TGM3: variants seen among roughly 807,000 people sequenced by gnomAD.
TGM3 encodes protein-glutamine gamma-glutamyltransferase E.
TGM3 carries 52 observed loss-of-function variants against 73.8 expected under a neutral mutation model. The ratio of observed to expected loss-of-function variants is 0.70; its 90% CI spans 0.56 to 0.89. The LOEUF is 0.89. Ranked by LOEUF, TGM3 falls within the 40% of genes least tolerant of loss-of-function variation. The pLI is 0.00. For synonymous variants in TGM3, 372 were observed against 354.9 expected, an observed-to-expected ratio of 1.05 and a Z score of -0.54; for missense variants, 928 against 909.9, an observed-to-expected ratio of 1.02 and a Z score of -0.26.
intron 8 of TGM3, among the ~76,000 whole-genome samples, chr20:2,327,496 C>CA (rs1479092178): frequency 6.6e-6 from 1 of 151,968 alleles, no homozygotes; most frequent in Non-Finnish European, 1.5e-5. Flanking sequence ...AACAAACAAA[C>CA]AAAAAAGATA....
chr20:2,309,978 G>C, intron 2 of TGM3, 148 bp downstream of exon 2: 1 of 1,365,320 alleles, frequency 7.3e-7, no homozygotes, highest in Non-Finnish European at 1.0e-6. Context: ...TGGGCAAGTT[G>C]CTGTCCATCT....
At chr20:2,306,820 A>G (rs960686082) in intron 1 of TGM3, among the ~76,000 whole-genome samples, 1 of 152,122 alleles carries the variant, frequency 6.6e-6, no homozygotes, top group Admixed American at 6.6e-5. Context: ...ACCAAATCTC[A>G]ACTGGCTGGG....
chr20:2,333,555 C>T (rs1414047940), intron 10 of TGM3, among the ~76,000 whole-genome samples: 1 of 152,018 alleles, frequency 6.6e-6, no homozygotes, highest in African/African-American at 2.4e-5. Flanking sequence ...CCATTATGCC[C>T]AGCTAACTTT....
Position 2,340,768 on chromosome 20 carries a change from C to A in TGM3, c.*187C>A, listed in dbSNP as rs1404833286. ...TCCCCCAGGTTGGGGCTGGGTCCAC[C>A]CTGTCCTATGACTTGATCACTTTTG... is the stretch of plus-strand genomic sequence containing the variant. On this transcript the variant is annotated 3_prime_UTR_variant, in exon 13 of 13. Transcript: ENST00000381458. The A allele has an allele frequency of 2.6e-6, 2 of 780,574 alleles. No individual in the cohort carries two copies. Among genetic ancestry groups the A allele is most frequent in the Non-Finnish European group, 4.4e-6 (2 of 459,376 alleles). 48.4% of individuals were successfully genotyped at this position (780,574 alleles called of 1,614,324 possible). A position where few individuals can be genotyped will look rare whatever the true frequency, so the allele number is the denominator to read the frequency against.
intron 8 of TGM3, among the ~76,000 whole-genome samples, chr20:2,327,838 C>T (rs2084296839): frequency 6.6e-6 from 1 of 152,198 alleles, no homozygotes; most frequent in Non-Finnish European, 1.5e-5. Context: ...CAAGACTTTC[C>T]TCTTTAGGAA....
chr20:2,316,982 C>A, intron 5 of TGM3, 86 bp from the exon 6 acceptor site: 1 of 1,498,520 alleles, frequency 6.7e-7, no homozygotes, highest in Non-Finnish European at 9.2e-7. Context: ...CCTCATCTCC[C>A]CACCTTGTCC....
intron 1 of TGM3, among the ~76,000 whole-genome samples, chr20:2,298,280 G>C (rs1024679568): frequency 2.6e-5 from 4 of 152,180 alleles, no homozygotes; most frequent in African/African-American, 9.7e-5. Flanking sequence ...GTGGAGGAAG[G>C]CCTGGCAGTG....
Position 2,335,504 on chromosome 20 carries a change from A to G in TGM3, c.1800+231A>G, listed in dbSNP as rs551065858. Among the ~76,000 whole-genome samples the G allele has an allele frequency of 7.9e-4, 120 of 152,310 alleles. 1 individual carries two copies. The highest frequency in any genetic ancestry group is 1.3e-3 in the Non-Finnish European group (87 of 68,018). Reference sequence around the variant, plus strand: ...CCTGTCTGGTGAGATAAACGCGTGCATTTGCCTGGCTGCTTCTCAGATTCT... The same window carrying G: ...CCTGTCTGGTGAGATAAACGCGTGCGTTTGCCTGGCTGCTTCTCAGATTCT... On this transcript the variant is annotated intron_variant, in intron 11 of 12. Coordinates refer to ENST00000381458, the MANE Select transcript of TGM3 (RefSeq NM_003245.4).
In TGM3 at chr20:2,332,317, C is replaced by A; in HGVS notation, c.1642+7C>A. On this transcript the variant is annotated splice_region_variant and intron_variant, in intron 10 of 12. Transcript: ENST00000381458. This position sits in a 1 kb window ranked among gnomAD's most constrained non-coding sequence, Gnocchi z 4.4. Reference sequence around the variant, plus strand: ...TCCCTGGACCCTGAGGAAGGTAACGCATCCCGCAGTTGGAGGAGATCCACG... The same window carrying A: ...TCCCTGGACCCTGAGGAAGGTAACGAATCCCGCAGTTGGAGGAGATCCACG... The A allele has an allele frequency of 6.4e-7, 1 of 1,572,806 alleles. No homozygotes were observed.
Position 2,332,054 on chromosome 20 carries a change from C to G in TGM3, c.1386C>G (p.Pro462=). ...AAAAGGCTTTGGGGAAACTTAAACCCAACACGCCATTTGCCGCGACGTCTT... is the reference window on the plus strand; with the variant it reads ...AAAAGGCTTTGGGGAAACTTAAACCGAACACGCCATTTGCCGCGACGTCTT... ...VFQKALGKLK[P]NTPFAATSSM... is the part of the protein sequence containing the mutation. The change falls in exon 10 of 13, where the codon CCC becomes CCG. Residue 462 remains proline (P), a synonymous_variant. Transcript: ENST00000381458. This position sits in a 1 kb window ranked among gnomAD's most constrained non-coding sequence, Gnocchi z 4.4. 1 of 1,614,012 alleles carries G rather than the reference C, an allele frequency of 6.2e-7. No individual in the cohort carries two copies. The highest frequency in any genetic ancestry group is 8.5e-7 in the Non-Finnish European group (1 of 1,179,918).
At position 2,328,395 on chromosome 20, in the gene TGM3, C is replaced by T. The variant is rs373163898; in HGVS notation, c.1333+30C>T. 18 of 1,612,280 alleles carry T rather than the reference C, an allele frequency of 1.1e-5. No homozygotes were observed. The highest frequency in any genetic ancestry group is 1.7e-5 in the Admixed American group (1 of 59,966). ...GAGGGACGCTGGCGGGGCAGTGCCG[C>T]GAGAGGTTCTATTGTGGGAGGATGG... On this transcript the variant is annotated intron_variant, in intron 9 of 12. Transcript: ENST00000381458. This position sits in a 1 kb window ranked among gnomAD's most constrained non-coding sequence, Gnocchi z 5.2.
chr20:2,335,124 C>T lies in TGM3; in HGVS notation c.1651C>T (p.His551Tyr). 6.2e-7 allele frequency: 1 copy of T among 1,614,220 alleles called. No individual in the cohort carries two copies. The highest frequency in any genetic ancestry group is 1.1e-5 in the South Asian group (1 of 91,090). The change falls in exon 11 of 13, where the codon CAT (histidine) becomes TAT (tyrosine). Residue 551 changes from histidine to tyrosine, a missense_variant. Transcript: ENST00000381458. ...MSLDPEEEAE[H>Y]PIKISYAQYE... Reference sequence around the variant, plus strand: ...CTGGCTTCTCCTTCCAGAGGCAGAACATCCCATAAAGATCTCGTACGCTCA... The same window carrying T: ...CTGGCTTCTCCTTCCAGAGGCAGAATATCCCATAAAGATCTCGTACGCTCA...
At position 2,332,177 on chromosome 20, in the gene TGM3, A is replaced by C. The variant is rs149098280; in HGVS notation, c.1509A>C (p.Leu503=). 6.2e-7 allele frequency: 1 copy of C among 1,614,020 alleles called. No homozygotes were observed. Among genetic ancestry groups the C allele is most frequent in the Non-Finnish European group, 8.5e-7 (1 of 1,180,004 alleles). Residue 503 remains leucine (L), a synonymous_variant, in exon 10 of 13, where the codon CTA becomes CTC. Transcript: ENST00000381458. The surrounding 1 kb of genome is among the most constrained non-coding windows in gnomAD (Gnocchi z 4.4). ...LAVGKEVNLV[L]LLKNLSRDTK... ...TAGGCAAAGAAGTCAACCTGGTCCT[A>C]CTGCTCAAAAACCTGAGCAGGGATA...
chr20:2,296,118 C>T, intron 1 of TGM3, 48 bp downstream of exon 1: 1 of 1,548,898 alleles, frequency 6.5e-7, no homozygotes, highest in South Asian at 1.2e-5. Flanking sequence ...GAAGCCTGTG[C>T]TTCCCCTGGG....
At chr20:2,317,516 A>G in intron 7 of TGM3, 31 bp downstream of exon 7, 1 of 1,612,714 alleles carries the variant, frequency 6.2e-7, no homozygotes, top group Non-Finnish European at 8.5e-7. Context: ...CTGAACTTCG[A>G]GCACCACATT....
At position 2,298,015 on chromosome 20, in the gene TGM3, G is replaced by A. The variant is rs553040891; in HGVS notation, c.7+1945G>A. The stretch of plus-strand genomic sequence containing the variant: ...AGTCTTGTCTGGAATTTGGGATAGG[G>A]AAGACTCTGAAAAATGGTCACAGAC... On this transcript the variant is annotated intron_variant, in intron 1 of 12. Coordinates refer to ENST00000381458, the MANE Select transcript of TGM3 (RefSeq NM_003245.4). Among the ~76,000 whole-genome samples the A allele has an allele frequency of 1.0e-4, 12 of 118,776 alleles. No homozygotes were observed. In the East Asian group the frequency reaches 3.4e-3, roughly 33 times the overall value. The allele number at this position is 118,776 out of a possible 152,430, so 77.9% of individuals were successfully genotyped here.
chr20:2,323,262 C>G (rs909139113), intron 7 of TGM3, among the ~76,000 whole-genome samples: 1 of 152,168 alleles, frequency 6.6e-6, no homozygotes. Flanking sequence ...CATTCTTATG[C>G]CTTTGCATTC....
At chr20:2,331,744 A>G (rs529740821) in intron 9 of TGM3, among the ~76,000 whole-genome samples, 1 of 152,320 alleles carries the variant, frequency 6.6e-6, no homozygotes, top group Non-Finnish European at 1.5e-5. Flanking sequence ...CAAGCCACAT[A>G]GTAATTGTGT....
rs1446087115 is a variant in TGM3, at chr20:2,302,593, TG to T, written c.7+6525del. Among the ~76,000 whole-genome samples, 3 of 152,000 alleles carry T rather than the reference TG, an allele frequency of 2.0e-5. No individual in the cohort carries two copies. In the East Asian group the frequency reaches 5.8e-4, roughly 30 times the overall value. On this transcript the variant is annotated intron_variant, in intron 1 of 12. Transcript: ENST00000381458. The stretch of plus-strand genomic sequence containing the variant: ...TCGCTAGGGTACGTATGGCCCTGCA[TG>T]GTCTAAGATGTCCGCTAGAGGCTTG...
Sources: gnomAD v4.1 joint callset for allele counts (sites outside exome capture counted in the v4.1 genomes callset) on GRCh38, gnomAD v4.1.1 for gene constraint, Gnocchi (gnomAD v3.1) non-coding constraint, MANE v1.5 for transcripts, NCBI Gene and HGNC (gene_info 2026-07-23, HGNC 2026-07-21) for gene names.